Variants in CHRNB4 observed in about 807,000 individuals in gnomAD.
CHRNB4 encodes the protein neuronal acetylcholine receptor subunit beta-4.
A neutral mutation model predicts 40.4 loss-of-function variants in CHRNB4; 23 were observed. The observed-to-expected ratio is 0.57, with a 90% CI of 0.41 to 0.81. CHRNB4 has a LOEUF of 0.81. CHRNB4 is among the 30% of genes least tolerant of loss of function. CHRNB4 has a pLI of 0.00. For synonymous variants in CHRNB4, 285 were observed against 274.4 expected, an observed-to-expected ratio of 1.04 and a Z score of -0.38; for missense variants, 568 against 670.6, an observed-to-expected ratio of 0.85 and a Z score of 1.69.
chr15:78,648,310 A>G (rs911108252), intron 7 of CHRNB4, among the ~76,000 whole-genome samples: 4 of 149,190 alleles, frequency 2.7e-5, no homozygotes, highest in African/African-American at 9.9e-5. Context: ...GGAGAATGGC[A>G]TGAACCTGAG....
chr15:78,653,213 A>C (rs1365194388), intron 5 of CHRNB4, among the ~76,000 whole-genome samples: 2 of 152,242 alleles, frequency 1.3e-5, no homozygotes, highest in Admixed American at 1.3e-4. Flanking sequence ...TCAATCAGTC[A>C]TAACTAATGA....
At chr15:78,632,050 C>G (rs1403383639) in intron 2 of CHRNB4, among the ~76,000 whole-genome samples, 6 of 152,172 alleles carry the variant, frequency 3.9e-5, no homozygotes. Flanking sequence ...ACACTTTATT[C>G]TGTTATCAGA....
At chr15:78,660,125 T>G (rs1166909447) in intron 1 of CHRNB4, among the ~76,000 whole-genome samples, 1 of 151,466 alleles carries the variant, frequency 6.6e-6, no homozygotes, top group Non-Finnish European at 1.5e-5. Flanking sequence ...AAAAATTGCT[T>G]GAACCTGGAA....
At chr15:78,657,197 G>A (rs1254892181) in intron 3 of CHRNB4, 2 of 151,946 alleles carry the variant, frequency 1.3e-5, no homozygotes, top group Non-Finnish European at 2.9e-5. Flanking sequence ...GCTAATTTTT[G>A]TATTTTTAGT....
Position 78,641,207 on chromosome 15 carries a change from G to T in CHRNB4, c.-74C>A. On this transcript the variant is annotated 5_prime_UTR_variant, in exon 1 of 6. Transcript: ENST00000261751. ...CAGGGCACCCGTGAGCCGCGCGGTC[G>T]AGTGAGCGCCGGTCCTGGCCCCCGA... 7.4e-7 allele frequency: 1 copy of T among 1,346,102 alleles called. No homozygotes were observed. The highest frequency in any genetic ancestry group is 9.7e-7 in the Non-Finnish European group (1 of 1,029,542). 83.4% of individuals were successfully genotyped at this position (1,346,102 alleles called of 1,614,324 possible).
intron 1 of CHRNB4, among the ~76,000 whole-genome samples, chr15:78,635,940 C>T (rs1395535132): frequency 6.6e-6 from 1 of 152,150 alleles, no homozygotes; most frequent in African/African-American, 2.4e-5. Context: ...CAGAGTCTCA[C>T]TCTGTTGCCC....
At position 78,633,154 on chromosome 15, in the gene CHRNB4, G is replaced by C. The variant is rs564680224; in HGVS notation, c.205-1822C>G. On this transcript the variant is annotated intron_variant, in intron 2 of 5. Coordinates refer to ENST00000261751, the MANE Select transcript of CHRNB4 (RefSeq NM_000750.5). ...TGTGTTCTCAGTCTGTACAATTTTGGTGCCTCTCCTTTATCAAGATAACTT... is the reference window on the plus strand; with the variant it reads ...TGTGTTCTCAGTCTGTACAATTTTGCTGCCTCTCCTTTATCAAGATAACTT... Among the ~76,000 whole-genome samples, 552 of 152,090 alleles carry C rather than the reference G, an allele frequency of 3.6e-3. 5 individuals are homozygous for C. The highest frequency in any genetic ancestry group is 0.013 in the African/African-American group (530 of 41,480).
intron 7 of CHRNB4, among the ~76,000 whole-genome samples, chr15:78,648,087 T>C (rs1359742732): frequency 6.6e-6 from 1 of 151,532 alleles, no homozygotes; most frequent in Non-Finnish European, 1.5e-5. Flanking sequence ...GATTAGTGCT[T>C]TATAAAAGGG....
intron 5 of CHRNB4, chr15:78,626,098 A>G (rs1459813796): frequency 6.6e-6 from 1 of 152,314 alleles, no homozygotes; most frequent in Non-Finnish European, 1.5e-5. Flanking sequence ...GGAGATCAGC[A>G]GAGGCTCTGG....
upstream of CHRNB4, among the ~76,000 whole-genome samples, chr15:78,642,592 A>G (rs2054090306): frequency 6.6e-6 from 1 of 152,168 alleles, no homozygotes; most frequent in African/African-American, 2.4e-5. Flanking sequence ...CCCTGGCTTT[A>G]TCGGATGTGT....
intron 1 of CHRNB4, among the ~76,000 whole-genome samples, chr15:78,635,930 CAG>C (rs1339299022): frequency 2.6e-5 from 4 of 152,046 alleles, no homozygotes; most frequent in South Asian, 2.1e-4. Context: ...TTGTATGAGA[CAG>C]AGTCTCACTC....
At chr15:78,652,010 C>T (rs1332398556) in intron 6 of CHRNB4, among the ~76,000 whole-genome samples, 1 of 152,236 alleles carries the variant, frequency 6.6e-6, no homozygotes, top group Non-Finnish European at 1.5e-5. Context: ...ATCATTTTGT[C>T]CTCACAAGAA....
chr15:78,654,016 A>G (rs1421278522), intron 5 of CHRNB4, among the ~76,000 whole-genome samples: 3 of 152,092 alleles, frequency 2.0e-5, no homozygotes, highest in Non-Finnish European at 4.4e-5. Context: ...AGGACTCCAG[A>G]CCCTCAGGGG....
At chr15:78,657,651 TCAC>T (rs79335408) in intron 2 of CHRNB4, among the ~76,000 whole-genome samples, 22,110 of 151,756 alleles carry the variant, frequency 0.15, 2,162 homozygotes, top group South Asian at 0.37. Context: ...CCTCCCGGGT[TCAC>T]GCCATTCTCC....
At chr15:78,636,460 C>T (rs1197297441) in intron 1 of CHRNB4, among the ~76,000 whole-genome samples, 1 of 152,268 alleles carries the variant, frequency 6.6e-6, no homozygotes, top group East Asian at 1.9e-4. Context: ...GTTCAAGGCC[C>T]TTTCCCCACT....
rs1354629174 is a variant in CHRNB4 at position 78,624,721 on chromosome 15, C to T, written c.*412G>A. 7.4e-6 allele frequency: 3 copies of T among 405,048 alleles called. No individual in the cohort carries two copies. Among genetic ancestry groups the T allele is most frequent in the Admixed American group, 4.2e-5 (1 of 23,636 alleles). 25.1% of individuals were successfully genotyped at this position (405,048 alleles called of 1,614,324 possible). ...GAAAAAAAAAAAGATGATGATATGG[C>T]AAATGCCAAGCCTCTGAGCTGGGAA... On this transcript the variant is annotated 3_prime_UTR_variant, in exon 6 of 6. Coordinates refer to ENST00000261751, the MANE Select transcript of CHRNB4 (RefSeq NM_000750.5).
chr15:78,642,294 T>C (rs1476047837), upstream of CHRNB4, among the ~76,000 whole-genome samples: 1 of 152,164 alleles, frequency 6.6e-6, no homozygotes, highest in African/African-American at 2.4e-5. Context: ...TCCTCTCTTC[T>C]CCAAACTGCA....
At chr15:78,657,759 A>C (rs12915669) in intron 2 of CHRNB4, among the ~76,000 whole-genome samples, 101,861 of 151,802 alleles carry the variant, frequency 0.67, 35,052 homozygotes, top group Non-Finnish European at 0.76. Flanking sequence ...TCACTGTGTT[A>C]GCCAGGATAG....
At chr15:78,639,464 A>G (rs993999608) in intron 1 of CHRNB4, among the ~76,000 whole-genome samples, 3 of 151,936 alleles carry the variant, frequency 2.0e-5, no homozygotes, top group Non-Finnish European at 2.9e-5. Flanking sequence ...ACGCCCGGTT[A>G]ATTTTTTGTA....
Sources: allele counts gnomAD v4.1 joint callset (sites outside exome capture counted in the v4.1 genomes callset), GRCh38; gene constraint gnomAD v4.1.1; transcripts MANE v1.5; gene names NCBI Gene and HGNC (gene_info 2026-07-23, HGNC 2026-07-21).